PLB1: variants seen among roughly 807,000 people sequenced by gnomAD.
PLB1 encodes the protein phospholipase B1.
Under a neutral mutation model 227.4 loss-of-function variants are expected in PLB1, and 242 were observed. That is an observed-to-expected ratio of 1.06 (90% confidence interval 0.96 to 1.18). The LOEUF (loss-of-function observed/expected upper bound fraction) is 1.18. Ranked by LOEUF, PLB1 falls within the 50% of genes most tolerant of loss-of-function variation. The pLI is 0.00. For missense variants in PLB1, 1,858 were observed against 1,816.3 expected, an observed-to-expected ratio of 1.02 and a Z score of -0.42; for synonymous variants, 757 against 682.2, an observed-to-expected ratio of 1.11 and a Z score of -1.71.
intron 54 of PLB1, among the ~76,000 whole-genome samples, chr2:28,631,301 A>G (rs1328627271): frequency 6.6e-6 from 1 of 152,062 alleles, no homozygotes; most frequent in Non-Finnish European, 1.5e-5. Flanking sequence ...TCTCAGGCTC[A>G]GGTAGCATTT....
chr2:28,520,084 A>G (rs1178308602), intron 4 of PLB1, among the ~76,000 whole-genome samples: 1 of 151,900 alleles, frequency 6.6e-6, no homozygotes, highest in Non-Finnish European at 1.5e-5. Context: ...ATGCGCCACC[A>G]TGCCTGGCTA....
chr2:28,538,561 ACT>A (rs2148203992), intron 10 of PLB1, among the ~76,000 whole-genome samples, 180 bp downstream of exon 10: 1 of 151,980 alleles, frequency 6.6e-6, no homozygotes, highest in East Asian at 1.9e-4. Context: ...AGGAGAGCAC[ACT>A]CCACTCCTGC....
At chr2:28,627,819 C>T (rs1051169925) in intron 51 of PLB1, among the ~76,000 whole-genome samples, 4 of 152,226 alleles carry the variant, frequency 2.6e-5, no homozygotes, top group African/African-American at 9.6e-5. Flanking sequence ...CCTCAACTCC[C>T]ACTTCCTGTG....
chr2:28,517,643 C>T, intron 2 of PLB1, among the ~76,000 whole-genome samples: 1 of 152,216 alleles, frequency 6.6e-6, no homozygotes, highest in East Asian at 1.9e-4. Flanking sequence ...GTAAATATAG[C>T]ATGGAATATA....
Position 28,643,173 on chromosome 2 carries a change from GC to G in PLB1, c.*115del. On this transcript the variant is annotated 3_prime_UTR_variant, in exon 58 of 58. Coordinates refer to ENST00000327757, the MANE Select transcript of PLB1 (RefSeq NM_153021.5). ...GCTTCAATGCCTGGTGCCATAGGAA[GC>G]CCAGGGGACAGTCACAACTTCTTGG... 9.4e-7 allele frequency: 1 copy of G among 1,060,426 alleles called. No homozygotes were observed. The highest frequency in any genetic ancestry group is 1.3e-6 in the Non-Finnish European group (1 of 750,968). The allele number at this position is 1,060,426 out of a possible 1,614,324, so 65.7% of individuals were successfully genotyped here.
chr2:28,552,905 T>C (rs1674470844), intron 16 of PLB1, 23 bp from the exon 17 acceptor site: 1 of 1,610,602 alleles, frequency 6.2e-7, no homozygotes, highest in Admixed American at 1.7e-5. Context: ...ATTTTCCTTA[T>C]TTCCCTGTGT....
Position 28,539,116 on chromosome 2 carries a change from A to T in PLB1, c.636A>T (p.Val212=), listed in dbSNP as rs761646031. The stretch of plus-strand genomic sequence containing the variant: ...CCTCCTAGGTCCCCAGAGCATTTGT[A>T]AACCTGGTGGACCTCTCTGAGGTTG... The part of the protein sequence containing the change: ...YLQQEVPRAF[V]NLVDLSEVAE... The change falls in exon 11 of 58, where the codon GTA becomes GTT. Residue 212 remains valine (V), a synonymous_variant. Transcript: ENST00000327757. 1.2e-6 allele frequency: 2 copies of T among 1,613,838 alleles called. No homozygotes were observed. The highest frequency in any genetic ancestry group is 1.7e-6 in the Non-Finnish European group (2 of 1,179,702).
At chr2:28,581,490 T>TAAATAA (rs1558821330) in intron 23 of PLB1, among the ~76,000 whole-genome samples, 2 of 12,618 alleles carry the variant, frequency 1.6e-4, no homozygotes, top group African/African-American at 2.4e-4. Context: ...CGCAAAAAAA[T>TAAATAA]AAATAAATAA....
intron 23 of PLB1, among the ~76,000 whole-genome samples, chr2:28,580,416 G>A (rs1365306988): frequency 1.3e-5 from 2 of 152,212 alleles, no homozygotes; most frequent in African/African-American, 2.4e-5. Context: ...ACAGAAGAGA[G>A]GTCTAAAAGC....
intron 36 of PLB1, 35 bp from the exon 37 acceptor site, chr2:28,601,196 GGGATATTTTCATTTCCTTGTT>G: frequency 7.1e-7 from 1 of 1,418,004 alleles, no homozygotes; most frequent in Non-Finnish European, 1.0e-6. Flanking sequence ...TCCTAGGGCA[GGGATATTTTCATTTCCTTGTT>G]GGAAATTATC....
At chr2:28,632,329 TTGAAAGGAAATCAATAG>T (rs1437290184) in intron 55 of PLB1, among the ~76,000 whole-genome samples, 189 bp downstream of exon 55, 1 of 152,032 alleles carries the variant, frequency 6.6e-6, no homozygotes, top group African/African-American at 2.4e-5. Context: ...CAGATGTACT[TTGAAAGGAAATCAATAG>T]TGACTAAGCT....
Position 28,567,535 on chromosome 2 carries a change from G to A in PLB1, c.1324+696G>A, listed in dbSNP as rs1012765144. Among the ~76,000 whole-genome samples, 4 of 138,762 alleles carry A rather than the reference G, an allele frequency of 2.9e-5. No homozygotes were observed. In the East Asian group the frequency reaches 6.3e-4, roughly 22 times the overall value. The allele number at this position is 138,762 out of a possible 152,430, so 91.0% of individuals were successfully genotyped here. ...TTGCCAGGCTGGAGTGCAGAGTGGC[G>A]CCATCTCAGCTCATTGCAACCTCCG... is the stretch of plus-strand genomic sequence containing the variant. On this transcript the variant is annotated intron_variant, in intron 20 of 57. Coordinates refer to ENST00000327757, the MANE Select transcript of PLB1 (RefSeq NM_153021.5).
intron 44 of PLB1, among the ~76,000 whole-genome samples, chr2:28,616,050 A>T (rs991220260): frequency 6.6e-6 from 1 of 152,212 alleles, no homozygotes; most frequent in African/African-American, 2.4e-5. Context: ...GAGTATAAAT[A>T]GTGGTTATTA....
At chr2:28,525,368 C>A in intron 5 of PLB1, 61 bp downstream of exon 5, 1 of 1,546,552 alleles carries the variant, frequency 6.5e-7, no homozygotes, top group South Asian at 1.2e-5. Context: ...ATCTAATCTT[C>A]TTGCCTTATT....
At chr2:28,562,561 T>TAAAAAAAAAAAAA (rs1476459163) in intron 17 of PLB1, among the ~76,000 whole-genome samples, 1 of 43,874 alleles carries the variant, frequency 2.3e-5, no homozygotes, top group Non-Finnish European at 5.0e-5. Context: ...AAAAAAAAAG[T>TAAAAAAAAAAAAA]CAGTGGCATA....
chr2:28,636,099 C>T (rs1689330658), intron 56 of PLB1, among the ~76,000 whole-genome samples: 1 of 151,998 alleles, frequency 6.6e-6, no homozygotes, highest in Non-Finnish European at 1.5e-5. Context: ...CACTCTGTTG[C>T]CCAGGTTGGA....
intron 50 of PLB1, among the ~76,000 whole-genome samples, 187 bp downstream of exon 50, chr2:28,625,295 C>T (rs1439143306): frequency 6.6e-6 from 1 of 152,222 alleles, no homozygotes; most frequent in Non-Finnish European, 1.5e-5. Flanking sequence ...CAGGCTGTGG[C>T]ACCCCTCACC....
At chr2:28,509,713 G>A (rs1464854637) in intron 1 of PLB1, among the ~76,000 whole-genome samples, 1 of 152,168 alleles carries the variant, frequency 6.6e-6, no homozygotes, top group Non-Finnish European at 1.5e-5. Flanking sequence ...TTTTCAGAGA[G>A]TTCAAAGCCC....
chr2:28,628,478 C>G (rs1688119389), intron 51 of PLB1, 85 bp from the exon 52 acceptor site: 5 of 1,262,598 alleles, frequency 4.0e-6, no homozygotes, highest in Non-Finnish European at 4.6e-6. Flanking sequence ...GTCATTTAGC[C>G]CAGGCCCCAG....
Sources: allele counts gnomAD v4.1 joint callset (sites outside exome capture counted in the v4.1 genomes callset), GRCh38; gene constraint gnomAD v4.1.1; transcripts MANE v1.5; gene names NCBI Gene and HGNC (gene_info 2026-07-23, HGNC 2026-07-21).